Variants in DLG2 observed in about 807,000 individuals in gnomAD.
DLG2 encodes discs large MAGUK scaffold protein 2.
In DLG2, 45 loss-of-function variants were observed where a neutral mutation model predicts 132.5. The observed-to-expected ratio is 0.34, with a 90% CI of 0.27 to 0.44. DLG2 has a LOEUF of 0.44. DLG2 is among the 20% of genes least tolerant of loss of function. The pLI is 1.00. For missense variants in DLG2, 1,045 were observed against 1,196.9 expected (o/e 0.87, Z 1.87); for synonymous variants, 424 against 419.6 (o/e 1.01, Z -0.13).
chr11:84,123,396 C>A (rs979284269), intron 9 of DLG2, among the ~76,000 whole-genome samples: 1 of 152,212 alleles, frequency 6.6e-6, no homozygotes, highest in Non-Finnish European at 1.5e-5. Context: ...AAAGCCAAGT[C>A]TATGCTGTGC....
At chr11:85,531,370 C>T (rs771211254) in intron 3 of DLG2, among the ~76,000 whole-genome samples, 7 of 152,106 alleles carry the variant, frequency 4.6e-5, no homozygotes, top group Non-Finnish European at 1.0e-4. Context: ...TAACTGCTAC[C>T]CCGAATTTCT....
intron 6 of DLG2, among the ~76,000 whole-genome samples, chr11:84,908,381 C>T (rs2091748315): frequency 6.6e-6 from 1 of 152,164 alleles, no homozygotes. Context: ...TCAGTTCAGA[C>T]TACCAATACC....
intron 18 of DLG2, among the ~76,000 whole-genome samples, chr11:83,694,741 C>G (rs2153629584): frequency 6.6e-6 from 1 of 151,456 alleles, no homozygotes; most frequent in African/African-American, 2.4e-5. Flanking sequence ...ATAAATAAAA[C>G]AAATGAACAC....
chr11:84,489,185 T>C (rs1020353345), intron 7 of DLG2, among the ~76,000 whole-genome samples: 5 of 152,230 alleles, frequency 3.3e-5, no homozygotes, highest in Admixed American at 6.5e-5. Context: ...TCAAAGTTTA[T>C]GATAGTATAA....
At chr11:84,694,737 G>A (rs562672417) in intron 6 of DLG2, among the ~76,000 whole-genome samples, 6 of 151,638 alleles carry the variant, frequency 4.0e-5, no homozygotes, top group African/African-American at 1.4e-4. Flanking sequence ...CTGTTTATCA[G>A]ATCCTCTTCT....
chr11:84,168,592 G>A (rs572639482), intron 8 of DLG2, among the ~76,000 whole-genome samples: 1 of 152,056 alleles, frequency 6.6e-6, no homozygotes, highest in South Asian at 2.1e-4. Context: ...GACTATGTGA[G>A]TGAGTAAGTA....
intron 3 of DLG2, among the ~76,000 whole-genome samples, chr11:85,442,027 G>GA (rs1339007483): frequency 5.3e-5 from 8 of 151,626 alleles, no homozygotes; most frequent in African/African-American, 1.5e-4. Flanking sequence ...CCATACAGAA[G>GA]AAAAAATCAA....
chr11:85,258,480 G>A (rs1350054495), intron 4 of DLG2, among the ~76,000 whole-genome samples: 4 of 152,132 alleles, frequency 2.6e-5, no homozygotes, highest in Non-Finnish European at 5.9e-5. Flanking sequence ...CCTGGGATAT[G>A]TGACTTTCCT....
chr11:84,289,080 C>T (rs2097950026), intron 7 of DLG2, among the ~76,000 whole-genome samples: 1 of 152,016 alleles, frequency 6.6e-6, no homozygotes. Context: ...TTTCAGTGAA[C>T]ACTAATTGAA....
chr11:84,160,918 A>C (rs1224007130), intron 9 of DLG2, among the ~76,000 whole-genome samples: 2 of 152,186 alleles, frequency 1.3e-5, no homozygotes, highest in African/African-American at 4.8e-5. Flanking sequence ...GCTGAAAGAG[A>C]AGATGAGAGA....
At chr11:85,132,960 A>G (rs2075846879) in intron 5 of DLG2, 1 of 386,030 alleles carries the variant, frequency 2.6e-6, no homozygotes, top group African/African-American at 2.1e-5. Flanking sequence ...GCCCTCCTCC[A>G]TACAGCTCAA....
chr11:85,620,712 T>C (rs2081633405), intron 2 of DLG2, among the ~76,000 whole-genome samples: 1 of 152,186 alleles, frequency 6.6e-6, no homozygotes, highest in African/African-American at 2.4e-5. Flanking sequence ...CTCTCTTCAA[T>C]TCTATATAGG....
chr11:84,412,843 T>C (rs1193641692), intron 7 of DLG2, among the ~76,000 whole-genome samples: 1 of 152,210 alleles, frequency 6.6e-6, no homozygotes, highest in Non-Finnish European at 1.5e-5. Flanking sequence ...AGGCCCAGCA[T>C]CTGGGATTTA....
At chr11:84,268,513 G>A (rs536649017) in intron 7 of DLG2, among the ~76,000 whole-genome samples, 1 of 148,212 alleles carries the variant, frequency 6.7e-6, no homozygotes, top group South Asian at 2.1e-4. Flanking sequence ...CCAGGCTGCA[G>A]TGCAGTGGCG....
intron 7 of DLG2, among the ~76,000 whole-genome samples, chr11:84,434,565 AG>A (rs1341066937): frequency 1.3e-5 from 2 of 152,172 alleles, no homozygotes; most frequent in Non-Finnish European, 2.9e-5. Context: ...TCTATTTAAT[AG>A]GGCTGTTGTG....
chr11:85,069,407 A>G (rs1357555035), intron 6 of DLG2, among the ~76,000 whole-genome samples: 1 of 152,200 alleles, frequency 6.6e-6, no homozygotes, highest in Admixed American at 6.5e-5. Flanking sequence ...TACGCATCTG[A>G]CAAAGGGCTA....
intron 6 of DLG2, among the ~76,000 whole-genome samples, chr11:84,652,254 T>A (rs2099682965): frequency 6.6e-6 from 1 of 152,176 alleles, no homozygotes; most frequent in Non-Finnish European, 1.5e-5. Flanking sequence ...TGTGTGTGTG[T>A]GTTTCTTTTT....
At chr11:84,635,145 G>A (rs1422692535) in intron 6 of DLG2, among the ~76,000 whole-genome samples, 1 of 152,208 alleles carries the variant, frequency 6.6e-6, no homozygotes, top group Non-Finnish European at 1.5e-5. Context: ...CTCTTCCCAG[G>A]CAGCGGGAAT....
chr11:84,663,772 G>T (rs141301512), intron 6 of DLG2, among the ~76,000 whole-genome samples: 1 of 152,120 alleles, frequency 6.6e-6, no homozygotes. Context: ...CTGAGGTTCT[G>T]TCATCCTTAT....
Sources: gnomAD v4.1 joint callset for allele counts (sites outside exome capture counted in the v4.1 genomes callset) on GRCh38, gnomAD v4.1.1 for gene constraint, MANE v1.5 for transcripts, NCBI Gene and HGNC (gene_info 2026-07-23, HGNC 2026-07-21) for gene names.